RFX1: variants seen among roughly 807,000 people sequenced by gnomAD.
The protein encoded by RFX1 is regulatory factor X1, also known as MHC class II regulatory factor RFX1.
A neutral mutation model predicts 119.6 loss-of-function variants in RFX1; 42 were observed. The ratio of observed to expected loss-of-function variants is 0.35; its 90% CI spans 0.27 to 0.45. The LOEUF (loss-of-function observed/expected upper bound fraction) is 0.45. Among genes scored for constraint, RFX1 ranks in the 20% least tolerant of loss-of-function variants. The probability of loss-of-function intolerance (pLI) is 1.00; values close to 1 mark genes in which losing one functional copy is unlikely to be tolerated. For missense variants in RFX1, 1,118 were observed against 1,368.1 expected (o/e 0.82, Z 2.88); for synonymous variants, 628 against 618.5 (o/e 1.02, Z -0.23).
rs1568460276 is a variant in RFX1, at chr19:13,968,554, GGA to G, written c.1732+9_1732+10del. The G allele has an allele frequency of 6.2e-7, 1 of 1,605,088 alleles. No individual in the cohort carries two copies. The highest frequency in any genetic ancestry group is 8.5e-7 in the Non-Finnish European group (1 of 1,172,394). On this transcript the variant is annotated intron_variant, in intron 12 of 20. Transcript: ENST00000254325. This position sits in a 1 kb window ranked among gnomAD's most constrained non-coding sequence, Gnocchi z 5.5. Reference sequence around the variant, plus strand: ...CGGTGGTTGGGGAAGCACGGGCCAGGGAGCTCTCACCCAAAAATTGCTGGTAC... The same window carrying G: ...CGGTGGTTGGGGAAGCACGGGCCAGGGCTCTCACCCAAAAATTGCTGGTAC...
chr19:13,993,876 CTTT>C lies in RFX1; in HGVS notation c.-36_-34del, dbSNP rs143370000. The C allele has an allele frequency of 3.0e-4, 376 of 1,249,750 alleles. No homozygotes were observed. Among genetic ancestry groups the C allele is most frequent in the South Asian group, 6.6e-4 (41 of 62,392 alleles). The allele number at this position is 1,249,750 out of a possible 1,614,324, so 77.4% of individuals were successfully genotyped here. On this transcript the variant is annotated 5_prime_UTR_variant, in exon 2 of 21. Coordinates refer to ENST00000254325, the MANE Select transcript of RFX1 (RefSeq NM_002918.5). ...GTGGGGAAAATGATAATAAATAAGG[CTTT>C]TTTTTTTTTTTAATTCCTTGGGAAG...
At chr19:13,974,961 T>C (rs1974209533) in intron 8 of RFX1, among the ~76,000 whole-genome samples, 1 of 147,752 alleles carries the variant, frequency 6.8e-6, no homozygotes. Flanking sequence ...GGAGGATCAC[T>C]TGAACCTGGG....
rs748574387 is a variant in RFX1, at chr19:13,978,036, C to A, written c.885G>T (p.Val295=). ...VPVPHVYSSQ[V]QYVEGGDASY... is the part of the protein sequence containing the mutation. ...TGGCATCGCCGCCCTCCACATACTG[C>A]ACCTGGCTGGAGTACACGTGTGGGA... Residue 295 remains valine (V), a synonymous_variant, in exon 8 of 21, where the codon GTG becomes GTT. Coordinates refer to ENST00000254325, the MANE Select transcript of RFX1 (RefSeq NM_002918.5). 1 of 1,613,728 alleles carries A rather than the reference C, an allele frequency of 6.2e-7. No homozygotes were observed.
chr19:13,969,472 G>A lies in RFX1; in HGVS notation c.1496+522C>T, dbSNP rs1370228112. 6.6e-6 allele frequency among the ~76,000 whole-genome samples: 1 copy of A among 152,082 alleles called. No homozygotes were observed. The highest frequency in any genetic ancestry group is 1.5e-5 in the Non-Finnish European group (1 of 68,018). ...GTTCAAGACCAGCCTGGCCAACATAGCAAAGCCCTGTCTCTACTAAAATTA... is the reference window on the plus strand; with the variant it reads ...GTTCAAGACCAGCCTGGCCAACATAACAAAGCCCTGTCTCTACTAAAATTA... On this transcript the variant is annotated intron_variant, in intron 10 of 20. Coordinates refer to ENST00000254325, the MANE Select transcript of RFX1 (RefSeq NM_002918.5). The surrounding 1 kb of genome is among the most constrained non-coding windows in gnomAD (Gnocchi z 4.5).
At chr19:13,978,492 G>A (rs1221738140) in intron 7 of RFX1, among the ~76,000 whole-genome samples, 3 of 152,226 alleles carry the variant, frequency 2.0e-5, no homozygotes, top group Non-Finnish European at 2.9e-5. Context: ...GGCCCCGGTT[G>A]GTGGGACAGA....
At chr19:13,979,689 G>A (rs1400801095) in intron 6 of RFX1, 147 bp from the exon 7 acceptor site, 5 of 465,706 alleles carry the variant, frequency 1.1e-5, no homozygotes, top group African/African-American at 4.0e-5. Context: ...GAGGGTGCTG[G>A]ATCCATTACT....
intron 8 of RFX1, among the ~76,000 whole-genome samples, chr19:13,973,330 A>T (rs375389892): frequency 6.6e-6 from 1 of 152,160 alleles, no homozygotes; most frequent in Non-Finnish European, 1.5e-5. Flanking sequence ...TATAATCATC[A>T]GCTGGGCATG....
At chr19:13,994,808 T>C (rs1974936767) in intron 1 of RFX1, among the ~76,000 whole-genome samples, 1 of 145,850 alleles carries the variant, frequency 6.9e-6, no homozygotes, top group Non-Finnish European at 1.5e-5. Flanking sequence ...TATACATATA[T>C]AGTATATATA....
intron 2 of RFX1, among the ~76,000 whole-genome samples, chr19:13,992,461 A>G (rs1974838434): frequency 6.6e-6 from 1 of 152,210 alleles, no homozygotes; most frequent in South Asian, 2.1e-4. Flanking sequence ...CCTGCTCTCA[A>G]CACAGGTCCT....
rs1295339172 is a variant in RFX1, at chr19:14,000,362, T to TGA, written c.-53+5740_-53+5741insTC. Among the ~76,000 whole-genome samples, 3 of 152,136 alleles carry TGA rather than the reference T, an allele frequency of 2.0e-5. 1 individual carries two copies. The highest frequency in any genetic ancestry group is 4.4e-5 in the Non-Finnish European group (3 of 68,030). On this transcript the variant is annotated intron_variant, in intron 1 of 20. Transcript: ENST00000254325. ...TTAGCTGGGTGTGGTGGTGTGTGGC[T>TGA]GTAATCCCAGCTACTCAGGAGGCTT...
At chr19:13,994,741 G>A (rs1974933144) in intron 1 of RFX1, among the ~76,000 whole-genome samples, 2 of 149,620 alleles carry the variant, frequency 1.3e-5, no homozygotes, top group Non-Finnish European at 1.5e-5. Context: ...GTGTGTGTGT[G>A]TGTGTGTGTG....
intron 2 of RFX1, among the ~76,000 whole-genome samples, chr19:13,992,092 G>C: frequency 6.6e-6 from 1 of 152,078 alleles, no homozygotes; most frequent in East Asian, 1.9e-4. Context: ...GAAGGACCAG[G>C]GCCAGCTTTG....
intron 1 of RFX1, among the ~76,000 whole-genome samples, chr19:13,998,492 A>T (rs1975109990): frequency 6.7e-6 from 1 of 149,458 alleles, no homozygotes. Context: ...ACTCTGTCTC[A>T]AGAAAAAAAA....
rs1409979797 is a variant in RFX1 at position 13,963,164 on chromosome 19, T to A, written c.2682A>T (p.Val894=). The A allele has an allele frequency of 6.2e-7, 1 of 1,612,566 alleles. No homozygotes were observed. The highest frequency in any genetic ancestry group is 1.7e-5 in the Admixed American group (1 of 59,992). Residue 894 remains valine, a synonymous_variant, in exon 19 of 21, where the codon GTA becomes GTT. Transcript: ENST00000254325. ...EYMYYLIEHR[V]AQAKGETPIA... ...TGGGGGTCTCGCCCTTGGCCTGGGCTACGCGGTGCTCGATCAGGTAGTACA... is the reference window on the plus strand; with the variant it reads ...TGGGGGTCTCGCCCTTGGCCTGGGCAACGCGGTGCTCGATCAGGTAGTACA...
At chr19:13,998,823 T>C (rs891032399) in intron 1 of RFX1, among the ~76,000 whole-genome samples, 1 of 152,162 alleles carries the variant, frequency 6.6e-6, no homozygotes, top group Non-Finnish European at 1.5e-5. Context: ...CTAAGAGACC[T>C]GGCCCCTTGT....
At chr19:13,999,287 G>C (rs1427226675) in intron 1 of RFX1, among the ~76,000 whole-genome samples, 1 of 152,200 alleles carries the variant, frequency 6.6e-6, no homozygotes, top group Non-Finnish European at 1.5e-5. Flanking sequence ...GCCAAGAAAA[G>C]CACTAGTGGC....
rs368422026 is a variant in RFX1, at chr19:13,968,714, G to C, written c.1617-34C>G. 1.2e-4 allele frequency: 195 copies of C among 1,610,154 alleles called. No individual in the cohort carries two copies. The African/African-American group carries it at 2.4e-3, about 20-fold the overall frequency. ...GAATGGGCAGGTGGGCCGGCTGCTG[G>C]GGGCCGGCCTGTGTGCCCTTCCCCG... On this transcript the variant is annotated intron_variant, in intron 11 of 20. Transcript: ENST00000254325. This position sits in a 1 kb window ranked among gnomAD's most constrained non-coding sequence, Gnocchi z 5.5.
At position 13,972,765 on chromosome 19, in the gene RFX1, G is replaced by C; in HGVS notation, c.1292C>G (p.Thr431Ser). Residue 431 changes from threonine to serine, a missense_variant, in exon 9 of 21, where the codon ACC (threonine) becomes AGC (serine). Around this residue, in one of 5 missense-constraint regions of RFX1, gnomAD observed 338 missense variants for 508.9 expected, o/e 0.66. Coordinates refer to ENST00000254325, the MANE Select transcript of RFX1 (RefSeq NM_002918.5). The part of the protein sequence containing the change: ...LGSASQSYSH[T>S]TRASPATVQW... ...TACCGTGGCTGGCGAGGCACGGGTG[G>C]TGTGAGAGTAAGACTGGCTGGCACT... The C allele has an allele frequency of 6.2e-7, 1 of 1,603,534 alleles. No homozygotes were observed. The highest frequency in any genetic ancestry group is 8.5e-7 in the Non-Finnish European group (1 of 1,174,376).
Position 13,968,138 on chromosome 19 carries a change from C to T in RFX1, c.1732+427G>A, listed in dbSNP as rs1264395534. On this transcript the variant is annotated intron_variant, in intron 12 of 20. Transcript: ENST00000254325. The surrounding 1 kb of genome is among the most constrained non-coding windows in gnomAD (Gnocchi z 5.5). ...GCATAGTGGCACGTGCCTGTAGTTC[C>T]AGCTACTCAGGAGGCTGAGGCAGGA... is the stretch of plus-strand genomic sequence containing the variant. 6.6e-6 allele frequency among the ~76,000 whole-genome samples: 1 copy of T among 152,070 alleles called. No homozygotes were observed. The highest frequency in any genetic ancestry group is 1.5e-5 in the Non-Finnish European group (1 of 68,018).
Sources: gnomAD v4.1 joint callset for allele counts (sites outside exome capture counted in the v4.1 genomes callset) on GRCh38, gnomAD v4.1.1 for gene constraint, gnomAD v4.1.1 regional missense constraint, Gnocchi (gnomAD v3.1) non-coding constraint, MANE v1.5 for transcripts, NCBI Gene and HGNC (gene_info 2026-07-23, HGNC 2026-07-21) for gene names.